Variants in PBX1 observed in about 807,000 individuals in gnomAD.
The protein encoded by PBX1 is pre-B-cell leukemia transcription factor 1.
A neutral mutation model predicts 53.4 loss-of-function variants in PBX1; 6 were observed. The observed-to-expected ratio is 0.11, with a 90% confidence interval of 0.06 to 0.22. The LOEUF is 0.22. Ranked by LOEUF, PBX1 falls within the 10% of genes least tolerant of loss-of-function variation. The pLI is 1.00. For synonymous variants in PBX1, 204 were observed against 212.3 expected, an observed-to-expected ratio of 0.96 and a Z score of 0.34; for missense variants, 251 against 551.4, an observed-to-expected ratio of 0.46 and a Z score of 5.46.
chr1:164,711,803 A>C (rs2102075668), intron 2 of PBX1, among the ~76,000 whole-genome samples: 1 of 152,332 alleles, frequency 6.6e-6, no homozygotes, highest in East Asian at 1.9e-4. Flanking sequence ...CCCATTCGTA[A>C]GTATTCAGCC....
chr1:164,667,975 T>C (rs938645039), intron 2 of PBX1, among the ~76,000 whole-genome samples: 6 of 152,186 alleles, frequency 3.9e-5, no homozygotes, highest in Non-Finnish European at 5.9e-5. Context: ...TGCCCCCTTC[T>C]CCCACTTCTC....
chr1:164,636,761 G>C (rs1055247765), intron 2 of PBX1, among the ~76,000 whole-genome samples: 9 of 152,162 alleles, frequency 5.9e-5, no homozygotes, highest in Admixed American at 5.2e-4. Context: ...TAGAAGGCCT[G>C]AGTTTTTTTA....
chr1:164,763,039 A>C (rs1474850400), intron 2 of PBX1, among the ~76,000 whole-genome samples: 1 of 152,136 alleles, frequency 6.6e-6, no homozygotes, highest in Non-Finnish European at 1.5e-5. Flanking sequence ...GATAGCTTTT[A>C]TTTTTCTTAG....
At chr1:164,769,581 A>T (rs138394648) in intron 2 of PBX1, among the ~76,000 whole-genome samples, 39 of 152,304 alleles carry the variant, frequency 2.6e-4, no homozygotes, top group Admixed American at 9.8e-4. Context: ...TGCTGTACAA[A>T]TGGGAATGAC....
intron 2 of PBX1, among the ~76,000 whole-genome samples, chr1:164,751,649 C>G (rs1478402300): frequency 7.1e-6 from 1 of 140,096 alleles, no homozygotes; most frequent in African/African-American, 2.7e-5. Flanking sequence ...ATAGGGCAAT[C>G]TTGGCTCAAT....
intron 2 of PBX1, among the ~76,000 whole-genome samples, chr1:164,655,561 C>G (rs559915077): frequency 6.6e-6 from 1 of 152,102 alleles, no homozygotes; most frequent in African/African-American, 2.4e-5. Flanking sequence ...AGGATGACCA[C>G]CATTTCTTGT....
intron 2 of PBX1, among the ~76,000 whole-genome samples, chr1:164,875,391 C>A (rs1417975145): frequency 6.6e-6 from 1 of 152,158 alleles, no homozygotes; most frequent in East Asian, 1.9e-4. Flanking sequence ...CAACCTTGAC[C>A]TCTTGGGCTC....
intron 2 of PBX1, among the ~76,000 whole-genome samples, chr1:164,782,557 C>A (rs1039136702): frequency 3.3e-5 from 5 of 152,202 alleles, no homozygotes; most frequent in African/African-American, 4.8e-5. Flanking sequence ...GTATTAGGAA[C>A]CCTGCCTTTG....
intron 2 of PBX1, among the ~76,000 whole-genome samples, chr1:164,757,597 A>ATG (rs1182378791): frequency 1.3e-5 from 2 of 152,196 alleles, no homozygotes; most frequent in Non-Finnish European, 2.9e-5. Context: ...TCCCTTTAAC[A>ATG]TGTCTAGCCA....
At chr1:164,700,308 G>A (rs558231975) in intron 2 of PBX1, among the ~76,000 whole-genome samples, 164 of 152,320 alleles carry the variant, frequency 1.1e-3, no homozygotes, top group African/African-American at 3.8e-3. Flanking sequence ...TGAGGGACAC[G>A]GGACTCCCGT....
chr1:164,821,282 G>C (rs1310655389), intron 7 of PBX1, among the ~76,000 whole-genome samples: 1 of 151,900 alleles, frequency 6.6e-6, no homozygotes, highest in Non-Finnish European at 1.5e-5. Context: ...ATGCAGACTT[G>C]TTGAACTAGT....
chr1:164,568,704 A>G (rs556412744), intron 2 of PBX1, among the ~76,000 whole-genome samples: 14 of 152,226 alleles, frequency 9.2e-5, no homozygotes, highest in African/African-American at 2.4e-4. Context: ...GCTAAAAAAA[A>G]TGTACGTCTA....
intron 2 of PBX1, chr1:164,641,614 C>T (rs938522384): frequency 3.3e-5 from 5 of 152,234 alleles, no homozygotes; most frequent in African/African-American, 1.2e-4. Context: ...ACTACAGAGG[C>T]AGTTAATGAA....
chr1:164,719,725 C>T (rs957465852), intron 2 of PBX1, among the ~76,000 whole-genome samples: 1 of 152,114 alleles, frequency 6.6e-6, no homozygotes, highest in Non-Finnish European at 1.5e-5. Context: ...CTCTTTCTGT[C>T]ATCGAATTTG....
At chr1:164,733,712 C>T (rs1665122056) in intron 2 of PBX1, among the ~76,000 whole-genome samples, 1 of 151,956 alleles carries the variant, frequency 6.6e-6, no homozygotes, top group African/African-American at 2.4e-5. Context: ...TAATTTGGGA[C>T]TAAGGAAACA....
At position 164,846,587 on chromosome 1, in the gene PBX1, A is replaced by C. The variant is rs1297562435; in HGVS notation, c.1204A>C (p.Asn402His). Residue 402 changes from asparagine (N) to histidine (H), a missense_variant, in exon 9 of 9, where the codon AAT (asparagine) becomes CAT (histidine). Coordinates refer to ENST00000420696, the MANE Select transcript of PBX1 (RefSeq NM_002585.4). Reference protein sequence around the residue: ...QMYSPQGISANGGWQDATTPS... With the variant: ...QMYSPQGISAHGGWQDATTPS... The stretch of plus-strand genomic sequence containing the variant: ...TCTCTCCCTTTTTCCCTTCTAGGCT[A>C]ATGGAGGTTGGCAGGATGCTACTAC... 6.2e-7 allele frequency: 1 copy of C among 1,613,808 alleles called. No homozygotes were observed. Among genetic ancestry groups the C allele is most frequent in the African/African-American group, 1.3e-5 (1 of 74,876 alleles).
chr1:164,625,138 G>C lies in PBX1; in HGVS notation c.265+61827G>C, dbSNP rs367980030. Reference sequence around the variant, plus strand: ...ATGGGAGCCTGAATTCCAGAAACTTGATTTTACTTTTTGTTTAGGATTAAA... The same window carrying C: ...ATGGGAGCCTGAATTCCAGAAACTTCATTTTACTTTTTGTTTAGGATTAAA... On this transcript the variant is annotated intron_variant, in intron 2 of 8. Coordinates refer to ENST00000420696, the MANE Select transcript of PBX1 (RefSeq NM_002585.4). 1.1e-4 allele frequency among the ~76,000 whole-genome samples: 17 copies of C among 152,216 alleles called. No homozygotes were observed. In the East Asian group the frequency reaches 2.1e-3, roughly 19 times the overall value.
At chr1:164,764,403 TA>T (rs1178376795) in intron 2 of PBX1, among the ~76,000 whole-genome samples, 2 of 152,210 alleles carry the variant, frequency 1.3e-5, no homozygotes, top group Admixed American at 1.3e-4. Context: ...TTTAGCCTCT[TA>T]ATATGATTTT....
At chr1:164,804,297 A>T (rs1403865140) in intron 4 of PBX1, among the ~76,000 whole-genome samples, 2 of 152,202 alleles carry the variant, frequency 1.3e-5, no homozygotes, top group Admixed American at 1.3e-4. Context: ...TATAAAGTGG[A>T]CTAAAACAAG....
Sources: gnomAD v4.1 joint callset for allele counts (sites outside exome capture counted in the v4.1 genomes callset) on GRCh38, gnomAD v4.1.1 for gene constraint, MANE v1.5 for transcripts, NCBI Gene and HGNC (gene_info 2026-07-23, HGNC 2026-07-21) for gene names.